Variants in PCDH7 observed in about 807,000 individuals in gnomAD.
The protein encoded by PCDH7 is protocadherin-7.
PCDH7 carries 17 observed loss-of-function variants against 58.9 expected under a neutral mutation model. The observed-to-expected ratio is 0.29, with a 90% CI of 0.20 to 0.43. The LOEUF (loss-of-function observed/expected upper bound fraction) is 0.43. PCDH7 is among the 20% of genes least tolerant of loss of function. The probability of loss-of-function intolerance (pLI) is 1.00; values close to 1 mark genes in which losing one functional copy is unlikely to be tolerated. For missense variants in PCDH7, 1,274 were observed against 1,441.0 expected (o/e 0.88, Z 1.88); for synonymous variants, 664 against 616.4 (o/e 1.08, Z -1.14).
chr4:31,029,554 G>A (rs560634986), intron 3 of PCDH7, among the ~76,000 whole-genome samples: 16 of 152,234 alleles, frequency 1.1e-4, no homozygotes, highest in East Asian at 7.7e-4. Context: ...CTATTATAAC[G>A]GTTTAGCACT....
At chr4:31,142,117 G>T (rs938790902) in intron 3 of PCDH7, among the ~76,000 whole-genome samples, 3 of 152,068 alleles carry the variant, frequency 2.0e-5, no homozygotes, top group Admixed American at 6.6e-5. Flanking sequence ...TTTTCTTATG[G>T]ATGTGGAAAA....
intron 1 of PCDH7, among the ~76,000 whole-genome samples, chr4:30,770,606 A>G (rs1721280250): frequency 6.6e-6 from 1 of 152,086 alleles, no homozygotes; most frequent in Non-Finnish European, 1.5e-5. Flanking sequence ...CATGCTAACT[A>G]CTCTTCTAGC....
intron 3 of PCDH7, among the ~76,000 whole-genome samples, chr4:31,062,327 A>G (rs1485212556): frequency 6.6e-6 from 1 of 151,802 alleles, no homozygotes; most frequent in African/African-American, 2.4e-5. Context: ...GCAACTGGAT[A>G]ACGCATAGAA....
chr4:30,730,519 C>G (rs1422363895), intron 1 of PCDH7, among the ~76,000 whole-genome samples: 4 of 152,126 alleles, frequency 2.6e-5, no homozygotes, highest in African/African-American at 9.7e-5. Flanking sequence ...GTATTGAACT[C>G]TAATGCTGTG....
Position 30,724,400 on chromosome 4 carries a change from C to G in PCDH7, c.2978C>G (p.Ala993Gly), listed in dbSNP as rs1236687878. The G allele has an allele frequency of 1.9e-6, 3 of 1,613,926 alleles. No homozygotes were observed. The Admixed American group carries it at 5.0e-5, about 27-fold the overall frequency. The stretch of plus-strand genomic sequence containing the variant: ...GGTGGGCCCGGCAGTCCTGACCTGG[C>G]AAGGCATTACAAATCTAGTTCCCCA... The change falls in exon 1 of 2, where the codon GCA becomes GGA. Residue 993 changes from alanine (A) to glycine (G), a missense_variant. Coordinates refer to ENST00000361762, the Ensembl canonical transcript of PCDH7.
At chr4:30,759,321 T>C (rs188650749) in intron 1 of PCDH7, among the ~76,000 whole-genome samples, 1 of 152,282 alleles carries the variant, frequency 6.6e-6, no homozygotes, top group East Asian at 1.9e-4. Context: ...ATCATTCTGT[T>C]CATCCTCTGT....
rs1203477271 is a variant in PCDH7 at position 30,721,403 on chromosome 4, A to G, written c.-20A>G. ...GGGGGCTGTGGTTAGAAGGAGCAGT[A>G]GCAGCAGCAGCAGGAGAAGATGCTG... On this transcript the variant is annotated 5_prime_UTR_variant, in exon 1 of 2. Transcript: ENST00000361762. The surrounding 1 kb of genome is among the most constrained non-coding windows in gnomAD (Gnocchi z 6.7). 10 of 1,466,820 alleles carry G rather than the reference A, an allele frequency of 6.8e-6. No individual in the cohort carries two copies. In the Admixed American group the frequency reaches 2.4e-4, roughly 35 times the overall value. 90.9% of individuals were successfully genotyped at this position (1,466,820 alleles called of 1,614,324 possible). A position where few individuals can be genotyped will look rare whatever the true frequency, so the allele number is the denominator to read the frequency against.
At chr4:30,781,401 A>G (rs890066561) in intron 1 of PCDH7, among the ~76,000 whole-genome samples, 2 of 151,940 alleles carry the variant, frequency 1.3e-5, no homozygotes, top group South Asian at 2.1e-4. Context: ...CGGCCTCCCA[A>G]AGTGCTGGGA....
At chr4:30,725,131 A>G (rs1307196754) in intron 1 of PCDH7, 1 of 999,382 alleles carries the variant, frequency 1.0e-6, no homozygotes, top group African/African-American at 1.7e-5. Flanking sequence ...ATATTGAAAT[A>G]CTGACTACTT....
chr4:30,984,435 G>A (rs1450260432), intron 3 of PCDH7, among the ~76,000 whole-genome samples: 2 of 152,142 alleles, frequency 1.3e-5, no homozygotes, highest in African/African-American at 4.8e-5. Context: ...CCTTGGGAAC[G>A]TTTTCTCCCA....
At chr4:31,081,016 C>T (rs1194608862) in intron 3 of PCDH7, among the ~76,000 whole-genome samples, 1 of 152,190 alleles carries the variant, frequency 6.6e-6, no homozygotes, top group African/African-American at 2.4e-5. Flanking sequence ...GAGTCCTCCC[C>T]AACCTGTGGA....
At chr4:31,046,363 T>C (rs902478438) in intron 3 of PCDH7, among the ~76,000 whole-genome samples, 3 of 151,994 alleles carry the variant, frequency 2.0e-5, no homozygotes, top group Non-Finnish European at 2.9e-5. Flanking sequence ...GACTATGTGA[T>C]ATGGACCAAT....
intron 1 of PCDH7, among the ~76,000 whole-genome samples, chr4:30,763,002 G>A (rs1720222389): frequency 6.6e-6 from 1 of 152,124 alleles, no homozygotes; most frequent in African/African-American, 2.4e-5. Context: ...CAGCACTTTG[G>A]GAGGCCTAGG....
chr4:30,730,722 C>A, intron 1 of PCDH7: 1 of 1,509,972 alleles, frequency 6.6e-7, no homozygotes, highest in Non-Finnish European at 9.1e-7. Flanking sequence ...TTTTTTTTTA[C>A]CTGCATAAAT....
intron 1 of PCDH7, among the ~76,000 whole-genome samples, chr4:30,912,754 A>C (rs1741958049): frequency 6.6e-6 from 1 of 152,164 alleles, no homozygotes; most frequent in Admixed American, 6.6e-5. Context: ...TTGCCAATAA[A>C]ATCCCCATAA....
At chr4:31,112,969 A>G (rs1214354929) in intron 3 of PCDH7, among the ~76,000 whole-genome samples, 2 of 152,196 alleles carry the variant, frequency 1.3e-5, no homozygotes, top group African/African-American at 4.8e-5. Context: ...ATAATTGCTC[A>G]GATCCTGTTT....
chr4:31,096,774 T>C (rs1474937285), intron 3 of PCDH7, among the ~76,000 whole-genome samples: 2 of 152,166 alleles, frequency 1.3e-5, no homozygotes, highest in Non-Finnish European at 2.9e-5. Context: ...CTGGGATCCT[T>C]GCTTTCAGTT....
At chr4:30,886,630 C>A (rs1359041642) in intron 1 of PCDH7, among the ~76,000 whole-genome samples, 88 of 149,726 alleles carry the variant, frequency 5.9e-4, no homozygotes, top group Non-Finnish European at 1.1e-3. Flanking sequence ...TGGGTATATA[C>A]CCAAAGGACT....
intron 2 of PCDH7, among the ~76,000 whole-genome samples, chr4:30,923,971 C>A (rs763129703): frequency 3.3e-5 from 5 of 152,084 alleles, no homozygotes; most frequent in African/African-American, 4.8e-5. Context: ...ATTGGTAATT[C>A]AAGTTAAAAA....
Sources: gnomAD v4.1 joint callset for allele counts (sites outside exome capture counted in the v4.1 genomes callset) on GRCh38, gnomAD v4.1.1 for gene constraint, Gnocchi (gnomAD v3.1) non-coding constraint, MANE v1.5 for transcripts, NCBI Gene and HGNC (gene_info 2026-07-23, HGNC 2026-07-21) for gene names.